The following BUB1B variants were observed in gnomAD, a reference collection of about 807,000 sequenced individuals.
BUB1B encodes the protein mitotic checkpoint serine/threonine-protein kinase BUB1 beta.
Under a neutral mutation model 137.7 loss-of-function variants are expected in BUB1B, and 86 were observed. That is an observed-to-expected ratio of 0.62 (90% CI 0.52 to 0.75). The LOEUF is 0.75. BUB1B is among the 30% of genes least tolerant of loss of function. The probability of loss-of-function intolerance (pLI) is 0.00; values close to 1 mark genes in which losing one functional copy is unlikely to be tolerated. For synonymous variants in BUB1B, 420 were observed against 417.9 expected (o/e 1.00, Z -0.06); for missense variants, 1,130 against 1,236.9 (o/e 0.91, Z 1.30).
chr15:40,181,236 CAT>C (rs2037289112), intron 5 of BUB1B, among the ~76,000 whole-genome samples: 2 of 151,978 alleles, frequency 1.3e-5, no homozygotes, highest in Non-Finnish European at 2.9e-5. Context: ...GGATTACAGG[CAT>C]GCGCCACCAT....
intron 20 of BUB1B, among the ~76,000 whole-genome samples, chr15:40,216,848 T>C (rs999928339): frequency 6.6e-5 from 10 of 151,860 alleles, no homozygotes; most frequent in African/African-American, 2.4e-4. Flanking sequence ...CCTTGGAGAA[T>C]AGCATTATTG....
In BUB1B at chr15:40,182,187, G is replaced by C. The variant is rs992974003; in HGVS notation, c.582-1527G>C. Among the ~76,000 whole-genome samples the C allele has an allele frequency of 4.6e-5, 7 of 152,372 alleles. No individual in the cohort carries two copies. In the East Asian group the frequency reaches 1.3e-3, roughly 29 times the overall value. On this transcript the variant is annotated intron_variant, in intron 5 of 22. Coordinates refer to ENST00000287598, the MANE Select transcript of BUB1B (RefSeq NM_001211.6). ...CCACTGTACTCCAGCTTGGGTGACAGAATGAGACTCCATCTCAAAAAACAA... is the reference window on the plus strand; with the variant it reads ...CCACTGTACTCCAGCTTGGGTGACACAATGAGACTCCATCTCAAAAAACAA...
chr15:40,180,838 T>C (rs1268133128), intron 5 of BUB1B, among the ~76,000 whole-genome samples: 1 of 150,498 alleles, frequency 6.6e-6, no homozygotes, highest in Non-Finnish European at 1.5e-5. Context: ...TTAGTAGAGA[T>C]GGGGTTTCAC....
At chr15:40,172,673 A>T (rs1260750887) in intron 4 of BUB1B, among the ~76,000 whole-genome samples, 1 of 152,126 alleles carries the variant, frequency 6.6e-6, no homozygotes, top group East Asian at 1.9e-4. Context: ...GTATATGTGA[A>T]CCTATGCAGT....
At chr15:40,209,832 A>G in intron 17 of BUB1B, 57 bp downstream of exon 17, 2 of 1,599,060 alleles carry the variant, frequency 1.3e-6, no homozygotes, top group South Asian at 1.1e-5. Context: ...ATAAGTGATT[A>G]TTTGTACTTA....
Position 40,199,664 on chromosome 15 carries a change from T to C in BUB1B, c.1338T>C (p.Ile446=). The C allele has an allele frequency of 6.2e-7, 1 of 1,613,998 alleles. No homozygotes were observed. The change falls in exon 10 of 23, where the codon ATT becomes ATC. Residue 446 remains isoleucine, a synonymous_variant. Coordinates refer to ENST00000287598, the MANE Select transcript of BUB1B (RefSeq NM_001211.6). ...AEKRAEMQKQ[I]EEMEKKLKEI... ...AGAGAGCAGAAATGCAGAAACAGAT[T>C]GAAGAGATGGAGAAGAAGCTAAAAG...
intron 1 of BUB1B, among the ~76,000 whole-genome samples, chr15:40,163,816 A>C (rs561650755): frequency 5.5e-4 from 83 of 152,254 alleles, no homozygotes; most frequent in Non-Finnish European, 9.7e-4. Context: ...CCTGTGGTAA[A>C]ATTGGTTTTG....
At chr15:40,177,119 G>A (rs529624087) in intron 5 of BUB1B, among the ~76,000 whole-genome samples, 1 of 152,296 alleles carries the variant, frequency 6.6e-6, no homozygotes, top group Non-Finnish European at 1.5e-5. Context: ...TTTATAGATT[G>A]TAAGTATAAG....
At chr15:40,218,768 G>A (rs190851958) in intron 22 of BUB1B, among the ~76,000 whole-genome samples, 22 of 152,318 alleles carry the variant, frequency 1.4e-4, no homozygotes, top group African/African-American at 5.1e-4. Flanking sequence ...AAACTATTCA[G>A]ACTTCAGGAC....
At chr15:40,217,383 A>C in intron 20 of BUB1B, 113 bp from the exon 21 acceptor site, 2 of 1,075,818 alleles carry the variant, frequency 1.9e-6, no homozygotes, top group Non-Finnish European at 2.8e-6. Flanking sequence ...CACTGGAGGG[A>C]GTTGTTGGCA....
rs2037898568 is a variant in BUB1B, at chr15:40,220,994, T to A, written c.*235T>A. On this transcript the variant is annotated 3_prime_UTR_variant, in exon 23 of 23. Transcript: ENST00000287598. Reference sequence around the variant, plus strand: ...ACTATTTTATTCTAAACAGACTCATTACAAATGGTTACCTTGTTATTTAAC... The same window carrying A: ...ACTATTTTATTCTAAACAGACTCATAACAAATGGTTACCTTGTTATTTAAC... The A allele has an allele frequency of 1.8e-6, 1 of 546,014 alleles. No homozygotes were observed. The highest frequency in any genetic ancestry group is 1.9e-5 in the African/African-American group (1 of 53,144). 33.8% of individuals were successfully genotyped at this position (546,014 alleles called of 1,614,324 possible). A position where few individuals can be genotyped will look rare whatever the true frequency, so the allele number is the denominator to read the frequency against.
rs561161596 is a variant in BUB1B at position 40,188,672 on chromosome 15, T to G, written c.1058+3030T>G. Among the ~76,000 whole-genome samples the G allele has an allele frequency of 1.5e-3, 209 of 143,214 alleles. 1 individual carries two copies. Among genetic ancestry groups the G allele is most frequent in the Middle Eastern group, 7.0e-3 (2 of 286 alleles). The allele number at this position is 143,214 out of a possible 152,430, so 94.0% of individuals were successfully genotyped here. A position where few individuals can be genotyped will look rare whatever the true frequency, so the allele number is the denominator to read the frequency against. On this transcript the variant is annotated intron_variant, in intron 8 of 22. Transcript: ENST00000287598. ...GTCTCAGCTCACTGTAACCTCCGCCTCCCGGGTTCAAGCAATTCTCCTGCC... is the reference window on the plus strand; with the variant it reads ...GTCTCAGCTCACTGTAACCTCCGCCGCCCGGGTTCAAGCAATTCTCCTGCC...
chr15:40,189,091 A>G (rs1004115687), intron 8 of BUB1B, among the ~76,000 whole-genome samples: 3 of 151,992 alleles, frequency 2.0e-5, no homozygotes, highest in Non-Finnish European at 4.4e-5. Flanking sequence ...TTTTTTCTCT[A>G]TAGATAATTT....
chr15:40,198,527 A>G (rs2037526415), intron 9 of BUB1B, among the ~76,000 whole-genome samples: 1 of 152,196 alleles, frequency 6.6e-6, no homozygotes, highest in Non-Finnish European at 1.5e-5. Flanking sequence ...AGACTTGCCA[A>G]CTACTTACTC....
At chr15:40,169,180 T>G (rs962291808) in intron 2 of BUB1B, among the ~76,000 whole-genome samples, 4 of 152,214 alleles carry the variant, frequency 2.6e-5, no homozygotes, top group Non-Finnish European at 4.4e-5. Context: ...CCCTCTGCCT[T>G]TCCCAGCTTT....
intron 5 of BUB1B, among the ~76,000 whole-genome samples, chr15:40,178,322 C>A (rs1216779776): frequency 6.6e-6 from 1 of 151,858 alleles, no homozygotes; most frequent in Non-Finnish European, 1.5e-5. Context: ...TCCTTTTGAC[C>A]CATGAGTTAC....
chr15:40,198,853 G>C (rs1207450213), intron 9 of BUB1B, among the ~76,000 whole-genome samples: 1 of 152,142 alleles, frequency 6.6e-6, no homozygotes, highest in Admixed American at 6.6e-5. Context: ...AGCTACTCAG[G>C]AGAGTGAGGC....
In BUB1B at chr15:40,170,644, A is replaced by G. The variant is rs1451286639; in HGVS notation, c.347A>G (p.Tyr116Cys). The change falls in exon 4 of 23, where the codon TAT (tyrosine) becomes TGT (cysteine). Residue 116 changes from tyrosine to cysteine, a missense_variant. Coordinates refer to ENST00000287598, the MANE Select transcript of BUB1B (RefSeq NM_001211.6). ...VEALQGEKRY[Y>C]SDPRFLNLWL... ...GCACTACAAGGAGAAAAACGATATT[A>G]TAGTGATCCTCGATTTCTCAATCTC... 2 of 1,613,676 alleles carry G rather than the reference A, an allele frequency of 1.2e-6. No homozygotes were observed. Among genetic ancestry groups the G allele is most frequent in the African/African-American group, 1.3e-5 (1 of 74,924 alleles).
At chr15:40,165,560 C>T (rs565271336) in intron 2 of BUB1B, among the ~76,000 whole-genome samples, 1 of 152,238 alleles carries the variant, frequency 6.6e-6, no homozygotes, top group African/African-American at 2.4e-5. Context: ...AAGAAGTGGT[C>T]TCCAAAGACA....
Sources: gnomAD v4.1 joint callset for allele counts (sites outside exome capture counted in the v4.1 genomes callset) on GRCh38, gnomAD v4.1.1 for gene constraint, MANE v1.5 for transcripts, NCBI Gene and HGNC (gene_info 2026-07-23, HGNC 2026-07-21) for gene names.